Variants in EYA3 observed in about 807,000 individuals in gnomAD.
EYA3 encodes protein phosphatase EYA3.
Under a neutral mutation model 80.0 loss-of-function variants are expected in EYA3, and 39 were observed. The observed-to-expected ratio is 0.49, with a 90% CI of 0.38 to 0.64. The LOEUF (loss-of-function observed/expected upper bound fraction) is 0.64. EYA3 is among the 30% of genes least tolerant of loss of function. EYA3 has a pLI of 0.00. For synonymous variants in EYA3, 206 were observed against 232.8 expected, an observed-to-expected ratio of 0.88 and a Z score of 1.05; for missense variants, 523 against 676.1, an observed-to-expected ratio of 0.77 and a Z score of 2.51.
At chr1:27,983,605 T>C (rs1442477223) in intron 16 of EYA3, among the ~76,000 whole-genome samples, 1 of 152,256 alleles carries the variant, frequency 6.6e-6, no homozygotes, top group Admixed American at 6.5e-5. Flanking sequence ...CCTATTTTTC[T>C]ATATTCAAAA....
At position 27,999,940 on chromosome 1, in the gene EYA3, A is replaced by G. The variant is rs911515320; in HGVS notation, c.1083+20T>C. On this transcript the variant is annotated intron_variant, in intron 12 of 17. Coordinates refer to ENST00000373871, the MANE Select transcript of EYA3 (RefSeq NM_001990.4). ...AATGAAGTGTCTCAGTGAAGCACAGAAACAATTTAAAATGCTTACCTCTAA... is the reference window on the plus strand; with the variant it reads ...AATGAAGTGTCTCAGTGAAGCACAGGAACAATTTAAAATGCTTACCTCTAA... The G allele has an allele frequency of 6.5e-7, 1 of 1,533,460 alleles. No individual in the cohort carries two copies. The highest frequency in any genetic ancestry group is 8.9e-7 in the Non-Finnish European group (1 of 1,118,890). 95.0% of individuals were successfully genotyped at this position (1,533,460 alleles called of 1,614,324 possible).
At chr1:28,030,582 T>G (rs1465488999) in intron 6 of EYA3, among the ~76,000 whole-genome samples, 2 of 152,240 alleles carry the variant, frequency 1.3e-5, no homozygotes, top group Admixed American at 6.5e-5. Flanking sequence ...TCACCGTGCC[T>G]GGCTTTGCCC....
At chr1:27,991,524 A>G (rs1257994087) in intron 14 of EYA3, among the ~76,000 whole-genome samples, 4 of 152,194 alleles carry the variant, frequency 2.6e-5, no homozygotes, top group Non-Finnish European at 5.9e-5. Flanking sequence ...TCTACAGTGA[A>G]GGTTAAAAAA....
chr1:27,998,904 G>T (rs1391420897), intron 12 of EYA3, among the ~76,000 whole-genome samples: 1 of 152,000 alleles, frequency 6.6e-6, no homozygotes, highest in Admixed American at 6.6e-5. Flanking sequence ...GAGTAGCTGG[G>T]ATTACAGGTG....
chr1:28,050,759 G>C (rs1644217117), intron 2 of EYA3, among the ~76,000 whole-genome samples: 1 of 152,074 alleles, frequency 6.6e-6, no homozygotes, highest in Admixed American at 6.5e-5. Flanking sequence ...TCTAAGGCAG[G>C]GATAGGAAGC....
At position 28,013,349 on chromosome 1, in the gene EYA3, A is replaced by C; in HGVS notation, c.586-55T>G. The C allele has an allele frequency of 7.4e-7, 1 of 1,351,824 alleles. No individual in the cohort carries two copies. The highest frequency in any genetic ancestry group is 9.9e-7 in the Non-Finnish European group (1 of 1,014,312). 83.7% of individuals were successfully genotyped at this position (1,351,824 alleles called of 1,614,324 possible). ...ACTCTTATAGCATACATTAATCTCA[A>C]CACAAGAGGCTTTCTTCTCCCTCTT... On this transcript the variant is annotated intron_variant, in intron 8 of 17. Coordinates refer to ENST00000373871, the MANE Select transcript of EYA3 (RefSeq NM_001990.4). This position sits in a 1 kb window ranked among gnomAD's most constrained non-coding sequence, Gnocchi z 4.0.
chr1:28,005,217 A>G lies in EYA3; in HGVS notation c.910-798T>C, dbSNP rs571534611. 3.3e-5 allele frequency among the ~76,000 whole-genome samples: 5 copies of G among 152,288 alleles called. No homozygotes were observed. The South Asian group carries it at 1.0e-3, about 32-fold the overall frequency. On this transcript the variant is annotated intron_variant, in intron 10 of 17. Transcript: ENST00000373871. ...TAATTAAAAACATCCCAACAAAGAAAAGCCCAAGACAAGATGGTTTTAATG... is the reference window on the plus strand; with the variant it reads ...TAATTAAAAACATCCCAACAAAGAAGAGCCCAAGACAAGATGGTTTTAATG...
At chr1:28,079,750 T>A (rs1253640090) in intron 1 of EYA3, among the ~76,000 whole-genome samples, 1 of 152,068 alleles carries the variant, frequency 6.6e-6, no homozygotes, top group Non-Finnish European at 1.5e-5. Flanking sequence ...ACAGAATCCA[T>A]CCACGTACAT....
Position 27,974,383 on chromosome 1 carries a change from G to A in EYA3, c.*83C>T. The A allele has an allele frequency of 3.1e-6, 3 of 972,910 alleles. No homozygotes were observed. Among genetic ancestry groups the A allele is most frequent in the South Asian group, 2.9e-5 (2 of 69,636 alleles). The allele number at this position is 972,910 out of a possible 1,614,324, so 60.3% of individuals were successfully genotyped here. ...ACAGAGACACAGAGAGAGACAGACA[G>A]AGAAAGTTCTCAGTTGGTTCCAGTC... On this transcript the variant is annotated 3_prime_UTR_variant, in exon 18 of 18. Coordinates refer to ENST00000373871, the MANE Select transcript of EYA3 (RefSeq NM_001990.4).
At chr1:27,987,458 G>C (rs996268721) in intron 16 of EYA3, among the ~76,000 whole-genome samples, 1 of 152,126 alleles carries the variant, frequency 6.6e-6, no homozygotes, top group Non-Finnish European at 1.5e-5. Context: ...CCCTGCTTTT[G>C]GATATTTGGA....
rs190784154 is a variant in EYA3 at position 27,970,393 on chromosome 1, T to C, written c.*4073A>G. The C allele has an allele frequency of 1.3e-5, 2 of 152,294 alleles. No homozygotes were observed. The highest frequency in any genetic ancestry group is 2.9e-5 in the Non-Finnish European group (2 of 68,030). The allele number at this position is 152,294 out of a possible 1,614,324, so 9.4% of individuals were successfully genotyped here. ...TTTCAAGTTTATAAGATAGTTCCCATTACATATAACATTACGGTCACGGAT... is the reference window on the plus strand; with the variant it reads ...TTTCAAGTTTATAAGATAGTTCCCACTACATATAACATTACGGTCACGGAT... On this transcript the variant is annotated 3_prime_UTR_variant, in exon 18 of 18. Transcript: ENST00000373871.
At chr1:28,038,800 A>G (rs1271105194) in intron 5 of EYA3, 39 bp downstream of exon 5, 6 of 1,252,528 alleles carry the variant, frequency 4.8e-6, no homozygotes, top group Non-Finnish European at 6.8e-6. Context: ...GAATCTACAG[A>G]AAAAGCATAT....
intron 9 of EYA3, among the ~76,000 whole-genome samples, chr1:28,012,023 A>T (rs1346364616): frequency 6.6e-6 from 1 of 152,210 alleles, no homozygotes; most frequent in East Asian, 1.9e-4. Context: ...ATAATACAAA[A>T]TTAAGACATT....
At position 27,978,500 on chromosome 1, in the gene EYA3, T is replaced by C. The variant is rs747397338; in HGVS notation, c.1541-26A>G. On this transcript the variant is annotated intron_variant, in intron 16 of 17. Transcript: ENST00000373871. ...CTGATGAGAAAAAGAAATTTCCTGTTAGAATACTCTTCTCTTCTTTTCAAA... is the reference window on the plus strand; with the variant it reads ...CTGATGAGAAAAAGAAATTTCCTGTCAGAATACTCTTCTCTTCTTTTCAAA... 5 of 1,576,434 alleles carry C rather than the reference T, an allele frequency of 3.2e-6. No homozygotes were observed. In the African/African-American group the frequency reaches 6.7e-5, roughly 21 times the overall value.
At chr1:28,047,359 T>G (rs535074558) in intron 3 of EYA3, among the ~76,000 whole-genome samples, 7 of 152,278 alleles carry the variant, frequency 4.6e-5, no homozygotes, top group African/African-American at 1.7e-4. Flanking sequence ...AGGAAGAAAC[T>G]AAAGTTCTTT....
Position 27,974,310 on chromosome 1 carries a change from GGAGGGAGA to G in EYA3, c.*148_*155del, listed in dbSNP as rs752710557. ...GAGAGGGAGGGAGAGAGGAAGGGAG[GGAGGGAGA>G]GAGGGAGAGAGAGAAAGAGAGAAAG... On this transcript the variant is annotated 3_prime_UTR_variant, in exon 18 of 18. Coordinates refer to ENST00000373871, the MANE Select transcript of EYA3 (RefSeq NM_001990.4). 25 of 478,614 alleles carry G rather than the reference GGAGGGAGA, an allele frequency of 5.2e-5. No homozygotes were observed. Among genetic ancestry groups the G allele is most frequent in the South Asian group, 4.4e-4 (15 of 33,870 alleles). The allele number at this position is 478,614 out of a possible 1,614,324, so 29.6% of individuals were successfully genotyped here.
At chr1:28,047,659 GAC>G (rs1381944606) in intron 3 of EYA3, among the ~76,000 whole-genome samples, 1 of 124,776 alleles carries the variant, frequency 8.0e-6, no homozygotes, top group Non-Finnish European at 1.7e-5. Flanking sequence ...TTTTTTTTGA[GAC>G]AGAGTCTCGC....
In EYA3 at chr1:27,997,452, A is replaced by T. The variant is rs1640539530; in HGVS notation, c.1084-74T>A. Reference sequence around the variant, plus strand: ...ATTACCATCATGACATACTATAAAAAGACCATATACAGTGGCAGGATAATG... The same window carrying T: ...ATTACCATCATGACATACTATAAAATGACCATATACAGTGGCAGGATAATG... On this transcript the variant is annotated intron_variant, in intron 12 of 17. Transcript: ENST00000373871. 69 of 1,286,010 alleles carry T rather than the reference A, an allele frequency of 5.4e-5. No individual in the cohort carries two copies. The Admixed American group carries it at 1.1e-3, about 21-fold the overall frequency. The allele number at this position is 1,286,010 out of a possible 1,614,324, so 79.7% of individuals were successfully genotyped here.
At chr1:28,066,565 T>C (rs1365349460) in intron 1 of EYA3, among the ~76,000 whole-genome samples, 1 of 151,916 alleles carries the variant, frequency 6.6e-6, no homozygotes, top group Non-Finnish European at 1.5e-5. Flanking sequence ...ATTATAAATA[T>C]ATTAAAAAAC....
Sources: gnomAD v4.1 joint callset for allele counts (sites outside exome capture counted in the v4.1 genomes callset) on GRCh38, gnomAD v4.1.1 for gene constraint, Gnocchi (gnomAD v3.1) non-coding constraint, MANE v1.5 for transcripts, NCBI Gene and HGNC (gene_info 2026-07-23, HGNC 2026-07-21) for gene names.